SEMA3A: variants seen among roughly 807,000 people sequenced by gnomAD.
SEMA3A encodes the protein semaphorin 3A.
In SEMA3A, 29 loss-of-function variants were observed where a neutral mutation model predicts 97.9. The observed-to-expected ratio is 0.30, with a 90% CI of 0.22 to 0.40. The LOEUF (loss-of-function observed/expected upper bound fraction) is 0.40. SEMA3A is among the 10% of genes least tolerant of loss of function. The pLI, the probability that SEMA3A is intolerant of heterozygous loss-of-function variation, is 1.00. For missense variants in SEMA3A, 763 were observed against 951.3 expected, an observed-to-expected ratio of 0.80 and a Z score of 2.60; for synonymous variants, 321 against 323.7, an observed-to-expected ratio of 0.99 and a Z score of 0.09.
chr7:84,184,092 C>G (rs1332530861), intron 1 of SEMA3A, among the ~76,000 whole-genome samples: 1 of 152,008 alleles, frequency 6.6e-6, no homozygotes, highest in Non-Finnish European at 1.5e-5. Context: ...AGAGAAAGGC[C>G]AGTCAGATAA....
chr7:84,481,706 C>T (rs938095115), intron 1 of SEMA3A, among the ~76,000 whole-genome samples: 6 of 151,986 alleles, frequency 3.9e-5, no homozygotes, highest in African/African-American at 1.2e-4. Flanking sequence ...CATTTTATTA[C>T]AGTGTCTATA....
chr7:84,083,061 A>G (rs1348714532), intron 4 of SEMA3A, among the ~76,000 whole-genome samples: 1 of 151,862 alleles, frequency 6.6e-6, no homozygotes, highest in Admixed American at 6.6e-5. Context: ...AGATTGTCAA[A>G]ATGTAAACCA....
At chr7:84,228,368 AAG>A (rs1799040630) in intron 3 of SEMA3A, among the ~76,000 whole-genome samples, 1 of 152,132 alleles carries the variant, frequency 6.6e-6, no homozygotes. Flanking sequence ...TGGGGCTACT[AAG>A]AAACTGATTT....
At chr7:84,242,399 T>C (rs1183188171) in intron 3 of SEMA3A, among the ~76,000 whole-genome samples, 3 of 152,206 alleles carry the variant, frequency 2.0e-5, no homozygotes, top group Non-Finnish European at 4.4e-5. Flanking sequence ...CAATTGTGAA[T>C]GGGAGTTCAC....
chr7:84,417,050 G>GT (rs35953447), intron 1 of SEMA3A, among the ~76,000 whole-genome samples: 16,956 of 151,942 alleles, frequency 0.11, 1,186 homozygotes, highest in East Asian at 0.28. Flanking sequence ...TGACCATAGT[G>GT]TTTTTTAAAT....
chr7:84,368,083 G>A (rs898925083), intron 2 of SEMA3A, among the ~76,000 whole-genome samples: 1 of 151,076 alleles, frequency 6.6e-6, no homozygotes, highest in Non-Finnish European at 1.5e-5. Flanking sequence ...AGGTGCTATA[G>A]AAATTAAATT....
chr7:84,317,798 G>T (rs1801544384), intron 2 of SEMA3A, among the ~76,000 whole-genome samples: 1 of 152,012 alleles, frequency 6.6e-6, no homozygotes, highest in Non-Finnish European at 1.5e-5. Context: ...CCATGAAAAT[G>T]AAACTACTTT....
chr7:84,412,815 G>A (rs1033481926), intron 1 of SEMA3A, among the ~76,000 whole-genome samples: 14 of 152,040 alleles, frequency 9.2e-5, no homozygotes, highest in Non-Finnish European at 1.8e-4. Context: ...TCACTGCAAC[G>A]ACACTTCTCC....
At chr7:84,257,302 T>C (rs1378802096) in intron 3 of SEMA3A, among the ~76,000 whole-genome samples, 1 of 152,038 alleles carries the variant, frequency 6.6e-6, no homozygotes, top group African/African-American at 2.4e-5. Flanking sequence ...CTGGAGTTCT[T>C]TGAACTTGTA....
At chr7:84,411,960 A>C (rs1439335479) in intron 1 of SEMA3A, among the ~76,000 whole-genome samples, 1 of 152,104 alleles carries the variant, frequency 6.6e-6, no homozygotes, top group Non-Finnish European at 1.5e-5. Context: ...TCCTTGATTC[A>C]AATGTGCACT....
At chr7:84,211,287 G>C (rs760480760) in intron 3 of SEMA3A, among the ~76,000 whole-genome samples, 3 of 152,038 alleles carry the variant, frequency 2.0e-5, no homozygotes, top group Admixed American at 6.6e-5. Context: ...GAAAGGTTGC[G>C]TAAAGAGGAG....
rs139818898 is a variant in SEMA3A, at chr7:84,390,700, A to AT, written c.-245-18801dup. Among the ~76,000 whole-genome samples, 2,053 of 152,266 alleles carry AT rather than the reference A, an allele frequency of 0.013. 93 individuals carry two copies. The East Asian group carries it at 0.16, about 12-fold the overall frequency. ...TAAATGTAGTAGTGCTGATAACAGG[A>AT]TAAAAAGAAGCAAGAAACCAACTAT... On this transcript the variant is annotated intron_variant, in intron 1 of 3. Coordinates refer to the SEMA3A transcript ENST00000424555.
chr7:84,389,056 A>G (rs1465165277), intron 1 of SEMA3A, among the ~76,000 whole-genome samples: 3 of 152,074 alleles, frequency 2.0e-5, no homozygotes. Context: ...GAGGGGGAAA[A>G]TAAGTAAAAG....
intron 3 of SEMA3A, among the ~76,000 whole-genome samples, chr7:84,283,022 G>T (rs538470890): frequency 1.1e-4 from 16 of 149,172 alleles, no homozygotes; most frequent in Non-Finnish European, 2.1e-4. Flanking sequence ...TAAAAAAAAA[G>T]CATTTTTTTT....
At chr7:84,395,365 A>G (rs1180486740) in intron 1 of SEMA3A, among the ~76,000 whole-genome samples, 1 of 152,142 alleles carries the variant, frequency 6.6e-6, no homozygotes, top group Non-Finnish European at 1.5e-5. Context: ...TAGGAAAAAA[A>G]AAAAAGTACC....
chr7:84,079,704 C>G (rs1794082172), intron 4 of SEMA3A, among the ~76,000 whole-genome samples: 1 of 120,216 alleles, frequency 8.3e-6, no homozygotes. Flanking sequence ...CAGGAAACAA[C>G]AGGTGCTGGA....
intron 1 of SEMA3A, among the ~76,000 whole-genome samples, chr7:84,379,706 GA>G: frequency 6.6e-6 from 1 of 152,028 alleles, no homozygotes; most frequent in South Asian, 2.1e-4. Context: ...AGAAAAAAAA[GA>G]AAAACAACAA....
intron 1 of SEMA3A, among the ~76,000 whole-genome samples, chr7:84,413,311 G>T (rs1228951): frequency 0.32 from 48,569 of 151,890 alleles, 9,327 homozygotes; most frequent in African/African-American, 0.54. Flanking sequence ...TAACCAAAAA[G>T]TTAAAATAAG....
chr7:84,340,782 G>A (rs1409916598), intron 2 of SEMA3A, among the ~76,000 whole-genome samples: 7 of 86,218 alleles, frequency 8.1e-5, no homozygotes, highest in African/African-American at 1.2e-4. Flanking sequence ...CTCCATCTCG[G>A]AAAAAAAAAA....
Sources: allele counts gnomAD v4.1 joint callset (sites outside exome capture counted in the v4.1 genomes callset), GRCh38; gene constraint gnomAD v4.1.1; transcripts MANE v1.5; gene names NCBI Gene and HGNC (gene_info 2026-07-23, HGNC 2026-07-21).